Variants in BCAP29 observed in about 807,000 individuals in gnomAD.
The protein encoded by BCAP29 is B cell receptor associated protein 29.
A neutral mutation model predicts 31.8 loss-of-function variants in BCAP29; 34 were observed. The ratio of observed to expected loss-of-function variants is 1.07; its 90% confidence interval spans 0.81 to 1.42. BCAP29 has a LOEUF of 1.42. Among genes scored for constraint, BCAP29 ranks in the 40% most tolerant of loss-of-function variants. The pLI is 0.00. For synonymous variants in BCAP29, 104 were observed against 91.3 expected (o/e 1.14, Z -0.79); for missense variants, 314 against 269.2 (o/e 1.17, Z -1.16).
chr7:107,589,983 A>G (rs1329438563), intron 3 of BCAP29, among the ~76,000 whole-genome samples: 2 of 152,190 alleles, frequency 1.3e-5, no homozygotes, highest in Admixed American at 1.3e-4. Flanking sequence ...AGTAACAGAA[A>G]TCTGGAAAAC....
chr7:107,591,143 A>G (rs1414032909), intron 3 of BCAP29, among the ~76,000 whole-genome samples: 1 of 152,350 alleles, frequency 6.6e-6, no homozygotes, highest in African/African-American at 2.4e-5. Context: ...GGGATTTTTC[A>G]TCAGTTGGAA....
intron 7 of BCAP29, among the ~76,000 whole-genome samples, chr7:107,617,234 A>G (rs1814348423): frequency 6.6e-6 from 1 of 152,220 alleles, no homozygotes; most frequent in Non-Finnish European, 1.5e-5. Context: ...AATTTTACAC[A>G]GTTGACATAT....
chr7:107,613,835 T>C, intron 7 of BCAP29: 4 of 819,632 alleles, frequency 4.9e-6, no homozygotes, highest in Non-Finnish European at 8.0e-6. Flanking sequence ...TTAGACATAT[T>C]AGGACAAGAC....
intron 5 of BCAP29, 29 bp from the exon 6 acceptor site, chr7:107,600,368 A>G: frequency 7.2e-7 from 1 of 1,382,346 alleles, no homozygotes. Context: ...ATCTAAGCTT[A>G]TTTCTTCCTG....
chr7:107,585,171 T>C (rs1807411220), intron 3 of BCAP29, among the ~76,000 whole-genome samples: 1 of 152,180 alleles, frequency 6.6e-6, no homozygotes, highest in Non-Finnish European at 1.5e-5. Flanking sequence ...TGTTGTGTTG[T>C]TGGTTAAATA....
rs149448813 is a variant in BCAP29, at chr7:107,583,521, T to C, written c.93-361T>C. ...TTGCCAATTGTTAGAACAATATATC[T>C]TTATTTCTAAGTCATTTCTCTGACC... On this transcript the variant is annotated intron_variant, in intron 2 of 7. Transcript: ENST00000005259. Among the ~76,000 whole-genome samples the C allele has an allele frequency of 3.0e-3, 460 of 152,262 alleles. 3 individuals carry two copies. Among genetic ancestry groups the C allele is most frequent in the African/African-American group, 0.011 (447 of 41,566 alleles).
In BCAP29 at chr7:107,599,224, T is replaced by TGATTATATATATTTATATATA. The variant is rs1266730066; in HGVS notation, c.481-1173_481-1172insGATTATATATATTTATATATA. On this transcript the variant is annotated intron_variant, in intron 5 of 7. Coordinates refer to ENST00000005259, the MANE Select transcript of BCAP29 (RefSeq NM_018844.4). ...ACATATTTATAAATATATATATACA[T>TGATTATATATATTTATATATA]AATTATATATATTTATATATAAATA... is the stretch of plus-strand genomic sequence containing the variant. 2.9e-3 allele frequency among the ~76,000 whole-genome samples: 374 copies of TGATTATATATATTTATATATA among 130,176 alleles called. 38 individuals are homozygous for TGATTATATATATTTATATATA. The highest frequency in any genetic ancestry group is 0.011 in the African/African-American group (360 of 34,064). The allele number at this position is 130,176 out of a possible 152,430, so 85.4% of individuals were successfully genotyped here.
At chr7:107,616,602 T>TAG (rs1164613814) in intron 7 of BCAP29, among the ~76,000 whole-genome samples, 4 of 152,210 alleles carry the variant, frequency 2.6e-5, no homozygotes, top group Non-Finnish European at 5.9e-5. Flanking sequence ...ACTTTATATA[T>TAG]TTATAATCAA....
At position 107,586,819 on chromosome 7, in the gene BCAP29, C is replaced by T. The variant is rs554580387; in HGVS notation, c.193+2837C>T. 4.7e-5 allele frequency among the ~76,000 whole-genome samples: 7 copies of T among 150,098 alleles called. No individual in the cohort carries two copies. The South Asian group carries it at 1.0e-3, about 23-fold the overall frequency. On this transcript the variant is annotated intron_variant, in intron 3 of 7. Coordinates refer to ENST00000005259, the MANE Select transcript of BCAP29 (RefSeq NM_018844.4). ...CTCAGCTCACTGCAACCTCCACTTT[C>T]CAGGCTCAAGTAATTCTCCAGCTGC...
At chr7:107,586,372 C>T (rs1230640189) in intron 3 of BCAP29, among the ~76,000 whole-genome samples, 3 of 152,132 alleles carry the variant, frequency 2.0e-5, no homozygotes, top group East Asian at 3.9e-4. Flanking sequence ...CCAGGAAGGT[C>T]ACAAGGGAGA....
intron 6 of BCAP29, among the ~76,000 whole-genome samples, chr7:107,602,015 A>G (rs1811264661): frequency 6.6e-6 from 1 of 152,224 alleles, no homozygotes; most frequent in Admixed American, 6.5e-5. Flanking sequence ...TTAACTTAGT[A>G]TTACATGAGC....
intron 7 of BCAP29, chr7:107,613,743 C>T: frequency 1.2e-6 from 2 of 1,610,918 alleles, no homozygotes; most frequent in Non-Finnish European, 1.7e-6. Flanking sequence ...GTGAGTTTTG[C>T]TCTTTGGGAT....
chr7:107,593,309 A>AT (rs1809215815), intron 3 of BCAP29, among the ~76,000 whole-genome samples: 1 of 152,166 alleles, frequency 6.6e-6, no homozygotes, highest in African/African-American at 2.4e-5. Context: ...TTATAAGCTG[A>AT]TATCTATTTT....
intron 5 of BCAP29, among the ~76,000 whole-genome samples, chr7:107,597,386 A>T (rs2129242106): frequency 6.6e-6 from 1 of 152,200 alleles, no homozygotes; most frequent in East Asian, 1.9e-4. Flanking sequence ...ATACCTCTTC[A>T]TTCTCTATCA....
At chr7:107,593,417 C>G (rs1809236262) in intron 3 of BCAP29, among the ~76,000 whole-genome samples, 1 of 152,224 alleles carries the variant, frequency 6.6e-6, no homozygotes, top group Non-Finnish European at 1.5e-5. Context: ...AGCTGCTATG[C>G]ACTAGTCGGA....
intron 4 of BCAP29, 23 bp downstream of exon 4, chr7:107,594,128 A>G (rs1563130399): frequency 1.3e-6 from 2 of 1,561,768 alleles, no homozygotes; most frequent in South Asian, 1.1e-5. Flanking sequence ...TAATAATAGA[A>G]GCACAATTTA....
chr7:107,611,147 C>T (rs961996637), intron 6 of BCAP29, among the ~76,000 whole-genome samples: 5 of 152,270 alleles, frequency 3.3e-5, no homozygotes, highest in African/African-American at 1.2e-4. Context: ...TTAATGAGGA[C>T]CCCACCCTTA....
rs1812768728 is a variant in BCAP29, at chr7:107,609,579, A to G, written c.590-3753A>G. On this transcript the variant is annotated intron_variant, in intron 6 of 7. Transcript: ENST00000005259. ...TTAGGTGTTGATTGAAGTGATGAAT[A>G]AAACGTAAATCTTTACCTACACAGA... Among the ~76,000 whole-genome samples, 3 of 152,216 alleles carry G rather than the reference A, an allele frequency of 2.0e-5. No individual in the cohort carries two copies. The South Asian group carries it at 6.2e-4, about 32-fold the overall frequency.
chr7:107,580,907 T>G (rs757814932), intron 2 of BCAP29, 43 bp downstream of exon 2: 53 of 1,433,576 alleles, frequency 3.7e-5, no homozygotes, highest in Admixed American at 5.2e-5. Flanking sequence ...ATTGGATCGC[T>G]CTTAATGTAA....
Sources: allele counts gnomAD v4.1 joint callset (sites outside exome capture counted in the v4.1 genomes callset), GRCh38; gene constraint gnomAD v4.1.1; transcripts MANE v1.5; gene names NCBI Gene and HGNC (gene_info 2026-07-23, HGNC 2026-07-21).